The following EPGN variants were observed in gnomAD, a reference collection of about 807,000 sequenced individuals.
EPGN encodes epithelial mitogen.
In EPGN, 21 loss-of-function variants were observed where a neutral mutation model predicts 20.7. The ratio of observed to expected loss-of-function variants is 1.01; its 90% CI spans 0.72 to 1.46. The LOEUF is 1.46. Among genes scored for constraint, EPGN ranks in the 40% most tolerant of loss-of-function variants. The pLI is 0.00. For missense variants in EPGN, 199 were observed against 180.7 expected (o/e 1.10, Z -0.58); for synonymous variants, 69 against 63.8 (o/e 1.08, Z -0.39).
Position 74,313,187 on chromosome 4 carries a change from A to T in EPGN, c.407+17A>T. ...AAGAAAGAGGTATGAAAAAGACAAA[A>T]TATGAAGTCACTTCATATGCAATCG... On this transcript the variant is annotated intron_variant, in intron 4 of 4. Transcript: ENST00000413830. The T allele has an allele frequency of 6.2e-7, 1 of 1,606,716 alleles. No individual in the cohort carries two copies. Among genetic ancestry groups the T allele is most frequent in the South Asian group, 1.1e-5 (1 of 89,454 alleles).
intron 1 of EPGN, 37 bp downstream of exon 1, chr4:74,308,613 A>C: frequency 1.3e-6 from 2 of 1,558,274 alleles, no homozygotes; most frequent in Non-Finnish European, 1.8e-6. Context: ...ACTTTATATC[A>C]GTGTAAAATG....
At chr4:74,310,231 G>A (rs1412752537) in intron 2 of EPGN, among the ~76,000 whole-genome samples, 2 of 152,016 alleles carry the variant, frequency 1.3e-5, no homozygotes, top group Non-Finnish European at 2.9e-5. Context: ...GGAGGCCAAG[G>A]CGGGCAGATC....
chr4:74,308,677 T>A (rs770651717), intron 1 of EPGN, 101 bp downstream of exon 1: 57 of 945,484 alleles, frequency 6.0e-5, no homozygotes, highest in Non-Finnish European at 8.8e-5. Context: ...TAACAGTTGT[T>A]CTTTATGACA....
At chr4:74,309,552 C>T (rs1750757607) in intron 2 of EPGN, among the ~76,000 whole-genome samples, 1 of 151,658 alleles carries the variant, frequency 6.6e-6, no homozygotes, top group African/African-American at 2.4e-5. Context: ...TGATTATAAG[C>T]TTTGATGCCA....
rs1195345218 is a variant in EPGN at position 74,315,568 on chromosome 4, G to C, written c.*931G>C. On this transcript the variant is annotated 3_prime_UTR_variant, in exon 5 of 5. Coordinates refer to ENST00000413830, the MANE Select transcript of EPGN (RefSeq NM_001270989.2). ...ATTTTTTCACCAGACCACAGCATGT[G>C]GAAACTTTCTTTATCATTTTTGAAC... Among the ~76,000 whole-genome samples, 1 of 152,116 alleles carries C rather than the reference G, an allele frequency of 6.6e-6. No individual in the cohort carries two copies. The highest frequency in any genetic ancestry group is 1.5e-5 in the Non-Finnish European group (1 of 68,028).
At chr4:74,311,338 G>A (rs761599539) in intron 2 of EPGN, among the ~76,000 whole-genome samples, 32 of 152,006 alleles carry the variant, frequency 2.1e-4, no homozygotes, top group Non-Finnish European at 3.7e-4. Context: ...AAATGAACGT[G>A]AATTAGAAGA....
chr4:74,309,312 A>C, intron 2 of EPGN, 130 bp downstream of exon 2: 3 of 625,112 alleles, frequency 4.8e-6, no homozygotes, highest in Non-Finnish European at 7.8e-6. Flanking sequence ...CTCTTTTAGC[A>C]GGATGCTGTT....
In EPGN at chr4:74,313,190, T is replaced by G; in HGVS notation, c.407+20T>G. The G allele has an allele frequency of 3.7e-6, 6 of 1,606,192 alleles. No individual in the cohort carries two copies. Among genetic ancestry groups the G allele is most frequent in the Non-Finnish European group, 5.1e-6 (6 of 1,178,268 alleles). On this transcript the variant is annotated intron_variant, in intron 4 of 4. Transcript: ENST00000413830. ...AAAGAGGTATGAAAAAGACAAAATA[T>G]GAAGTCACTTCATATGCAATCGTTT... is the stretch of plus-strand genomic sequence containing the variant.
rs1202754187 is a variant in EPGN, at chr4:74,316,166, T to C, written c.*1529T>C. Among the ~76,000 whole-genome samples, 1 of 152,144 alleles carries C rather than the reference T, an allele frequency of 6.6e-6. No individual in the cohort carries two copies. The highest frequency in any genetic ancestry group is 1.5e-5 in the Non-Finnish European group (1 of 68,030). The stretch of plus-strand genomic sequence containing the variant: ...CAACATCAGCATGTTGAGATGGACC[T>C]CAACCCCACCTCTAACCCTGAAACA... On this transcript the variant is annotated 3_prime_UTR_variant, in exon 5 of 5. Coordinates refer to ENST00000413830, the MANE Select transcript of EPGN (RefSeq NM_001270989.2).
In EPGN at chr4:74,314,566, A is replaced by G. The variant is rs778712950; in HGVS notation, c.408-14A>G. 5.9e-6 allele frequency: 9 copies of G among 1,535,756 alleles called. No homozygotes were observed. The highest frequency in any genetic ancestry group is 2.4e-5 in the South Asian group (2 of 84,050). On this transcript the variant is annotated splice_polypyrimidine_tract_variant and intron_variant, in intron 4 of 4. Coordinates refer to ENST00000413830, the MANE Select transcript of EPGN (RefSeq NM_001270989.2). ...CACAGTCAAATTCATATGGAAACCA[A>G]TGCTCTGTTTCAGGTGTCTAAAATT...
rs1044712917 is a variant in EPGN, at chr4:74,308,539, T to C, written c.6T>C (p.Ala2=). M[A]LGVPISVYLL... Reference sequence around the variant, plus strand: ...AAGTTAAGCAACTACAGGAAATGGCTTTGGGAGTTCCAATATCAGTCTATC... The same window carrying C: ...AAGTTAAGCAACTACAGGAAATGGCCTTGGGAGTTCCAATATCAGTCTATC... Residue 2 remains alanine (A), a synonymous_variant, in exon 1 of 5, where the codon GCT becomes GCC. Transcript: ENST00000413830. 6.2e-7 allele frequency: 1 copy of C among 1,610,646 alleles called. No homozygotes were observed.
intron 3 of EPGN, among the ~76,000 whole-genome samples, chr4:74,312,631 T>G (rs1751035209): frequency 6.6e-6 from 1 of 152,150 alleles, no homozygotes. Context: ...ATTTTAAGTT[T>G]TGGGGTTGTT....
Position 74,314,876 on chromosome 4 carries a change from C to T in EPGN, c.*239C>T. 1 of 531,216 alleles carries T rather than the reference C, an allele frequency of 1.9e-6. No individual in the cohort carries two copies. The highest frequency in any genetic ancestry group is 1.9e-5 in the African/African-American group (1 of 51,828). The allele number at this position is 531,216 out of a possible 1,614,324, so 32.9% of individuals were successfully genotyped here. ...GACACAAGTCAAATTCATAGTTTCACTCTGGGTTTTTTGTTGTTGTGTGGT... is the reference window on the plus strand; with the variant it reads ...GACACAAGTCAAATTCATAGTTTCATTCTGGGTTTTTTGTTGTTGTGTGGT... On this transcript the variant is annotated 3_prime_UTR_variant, in exon 5 of 5. Transcript: ENST00000413830.
intron 2 of EPGN, among the ~76,000 whole-genome samples, chr4:74,310,280 G>A (rs1750832658): frequency 6.6e-6 from 1 of 151,734 alleles, no homozygotes; most frequent in African/African-American, 2.4e-5. Context: ...TGGGCAACAT[G>A]GTGAAACCCT....
chr4:74,310,859 C>T (rs1284189245), intron 2 of EPGN, among the ~76,000 whole-genome samples: 1 of 152,092 alleles, frequency 6.6e-6, no homozygotes, highest in Admixed American at 6.6e-5. Flanking sequence ...TGTTATACTG[C>T]ATTGTTTAGG....
chr4:74,309,156 G>T lies in EPGN; in HGVS notation c.107G>T (p.Gly36Val). The stretch of plus-strand genomic sequence containing the variant: ...ACACCTCCAATCACAGCCCAGCAAG[G>T]TAACTGGACAGTTAACAAAACAGAA... ...TVTPPITAQQ[G>V]NWTVNKTEAD... The change falls in exon 2 of 5, where the codon GGT (glycine) becomes GTT (valine). Residue 36 changes from glycine (G) to valine (V), a missense_variant. Coordinates refer to ENST00000413830, the MANE Select transcript of EPGN (RefSeq NM_001270989.2). The T allele has an allele frequency of 8.7e-6, 14 of 1,613,062 alleles. No individual in the cohort carries two copies. Among genetic ancestry groups the T allele is most frequent in the Non-Finnish European group, 1.2e-5 (14 of 1,179,342 alleles).
intron 4 of EPGN, 149 bp from the exon 5 acceptor site, chr4:74,314,431 C>T: frequency 1.4e-6 from 1 of 725,268 alleles, no homozygotes; most frequent in Non-Finnish European, 2.3e-6. Flanking sequence ...CTGTTAATGC[C>T]CACAGCTGCT....
intron 2 of EPGN, among the ~76,000 whole-genome samples, chr4:74,310,187 C>T (rs1750822850): frequency 6.6e-6 from 1 of 152,042 alleles, no homozygotes; most frequent in African/African-American, 2.4e-5. Context: ...ACTGGCCTGG[C>T]ACAGTGGCTC....
intron 4 of EPGN, 53 bp downstream of exon 4, chr4:74,313,223 A>T (rs759644172): frequency 1.9e-6 from 3 of 1,571,266 alleles, no homozygotes; most frequent in Non-Finnish European, 2.6e-6. Context: ...TTTGACAAAT[A>T]GTTATTCAGG....
Sources: gnomAD v4.1 joint callset for allele counts (sites outside exome capture counted in the v4.1 genomes callset) on GRCh38, gnomAD v4.1.1 for gene constraint, MANE v1.5 for transcripts, NCBI Gene and HGNC (gene_info 2026-07-23, HGNC 2026-07-21) for gene names.